Variants in HLTF observed in about 807,000 individuals in gnomAD.
The protein encoded by HLTF is helicase like transcription factor.
In HLTF, 127 loss-of-function variants were observed where a neutral mutation model predicts 129.4. That is an observed-to-expected ratio of 0.98 (90% confidence interval 0.85 to 1.14). The LOEUF is 1.14. Ranked by LOEUF, HLTF falls within the 50% of genes most tolerant of loss-of-function variation. The pLI, the probability that HLTF is intolerant of heterozygous loss-of-function variation, is 0.00. For synonymous variants in HLTF, 332 were observed against 388.8 expected, an observed-to-expected ratio of 0.85 and a Z score of 1.72; for missense variants, 1,139 against 1,187.1, an observed-to-expected ratio of 0.96 and a Z score of 0.60.
chr3:149,075,873 T>C lies in HLTF; in HGVS notation c.395+8A>G. 6.3e-7 allele frequency: 1 copy of C among 1,588,134 alleles called. No individual in the cohort carries two copies. Among genetic ancestry groups the C allele is most frequent in the Non-Finnish European group, 8.6e-7 (1 of 1,167,254 alleles). ...AATTATTAAAACTAAATTCTGAAAG[T>C]ACATTACCCTTCAATTTGTGCCAAT... is the stretch of plus-strand genomic sequence containing the variant. On this transcript the variant is annotated splice_region_variant and intron_variant, in intron 3 of 24. Coordinates refer to ENST00000310053, the MANE Select transcript of HLTF (RefSeq NM_003071.4).
intron 14 of HLTF, among the ~76,000 whole-genome samples, chr3:149,054,701 A>T (rs1717279271): frequency 6.6e-6 from 1 of 152,150 alleles, no homozygotes; most frequent in African/African-American, 2.4e-5. Flanking sequence ...GAAAAAAAAA[A>T]TTTCTGATGG....
rs144732911 is a variant in HLTF at position 149,035,874 on chromosome 3, G to A, written c.2797-876C>T. On this transcript the variant is annotated intron_variant, in intron 23 of 24. Coordinates refer to ENST00000310053, the MANE Select transcript of HLTF (RefSeq NM_003071.4). ...TGATGGGTCCGGCACAGTGGCTCACGCCTGTAATCCCAGCACTTTGGGAGG... is the reference window on the plus strand; with the variant it reads ...TGATGGGTCCGGCACAGTGGCTCACACCTGTAATCCCAGCACTTTGGGAGG... Among the ~76,000 whole-genome samples, 1,376 of 152,102 alleles carry A rather than the reference G, an allele frequency of 9.0e-3. 46 individuals are homozygous for A. Among genetic ancestry groups the A allele is most frequent in the Admixed American group, 0.067 (1,018 of 15,282 alleles).
At chr3:149,039,408 T>A (rs1172632822) in intron 22 of HLTF, among the ~76,000 whole-genome samples, 173 bp downstream of exon 22, 1 of 152,230 alleles carries the variant, frequency 6.6e-6, no homozygotes, top group Non-Finnish European at 1.5e-5. Context: ...AATTCAGGAC[T>A]TAATCTTTAA....
intron 5 of HLTF, 99 bp downstream of exon 5, chr3:149,073,126 C>A: frequency 1.7e-6 from 1 of 584,008 alleles, no homozygotes; most frequent in Non-Finnish European, 2.9e-6. Context: ...ATTTGAAGAC[C>A]ACAAATACCC....
Position 149,040,020 on chromosome 3 carries a change from G to C in HLTF, c.2502+11C>G. 1 of 1,602,172 alleles carries C rather than the reference G, an allele frequency of 6.2e-7. No individual in the cohort carries two copies. Among genetic ancestry groups the C allele is most frequent in the Non-Finnish European group, 8.5e-7 (1 of 1,176,006 alleles). ...AACAAATACTCAAATATTTGCACATGAGTACTTTACCTTTGAACTGGATGT... is the reference window on the plus strand; with the variant it reads ...AACAAATACTCAAATATTTGCACATCAGTACTTTACCTTTGAACTGGATGT... On this transcript the variant is annotated intron_variant, in intron 21 of 24. Coordinates refer to ENST00000310053, the MANE Select transcript of HLTF (RefSeq NM_003071.4).
intron 4 of HLTF, among the ~76,000 whole-genome samples, chr3:149,073,546 T>C (rs1435553941): frequency 1.3e-5 from 2 of 151,948 alleles, no homozygotes; most frequent in African/African-American, 2.4e-5. Flanking sequence ...ATACAAAAAT[T>C]AGCAGAGCGT....
chr3:149,033,059 A>G (rs1386046470), intron 24 of HLTF, among the ~76,000 whole-genome samples: 2 of 152,044 alleles, frequency 1.3e-5, no homozygotes, highest in Non-Finnish European at 1.5e-5. Flanking sequence ...AAACGTGATC[A>G]TCTCATTCCT....
At chr3:149,044,073 T>C (rs75343158) in intron 18 of HLTF, among the ~76,000 whole-genome samples, 3,351 of 152,234 alleles carry the variant, frequency 0.022, 127 homozygotes, top group African/African-American at 0.076. Flanking sequence ...AGAGTTAATC[T>C]GTCCTGTCAC....
At chr3:149,048,747 G>A in intron 16 of HLTF, 116 bp downstream of exon 16, 1 of 693,850 alleles carries the variant, frequency 1.4e-6, no homozygotes, top group South Asian at 1.9e-5. Context: ...TTATTTATAT[G>A]ATTAATTTTG....
chr3:149,035,072 A>C, intron 23 of HLTF, 74 bp from the exon 24 acceptor site: 1 of 1,056,538 alleles, frequency 9.5e-7, no homozygotes, highest in Non-Finnish European at 1.5e-6. Flanking sequence ...CTTTCATTTC[A>C]CTAGTATTCA....
chr3:149,055,502 G>C, intron 13 of HLTF, 102 bp from the exon 14 acceptor site: 1 of 759,714 alleles, frequency 1.3e-6, no homozygotes, highest in Non-Finnish European at 2.2e-6. Context: ...GATAAATTAG[G>C]AACAATTAAA....
chr3:149,083,577 C>G (rs1439111913), intron 2 of HLTF: 1 of 151,136 alleles, frequency 6.6e-6, no homozygotes, highest in Non-Finnish European at 1.5e-5. Flanking sequence ...CATATGAGAG[C>G]CAGAGAATAT....
intron 18 of HLTF, 99 bp from the exon 19 acceptor site, chr3:149,042,389 A>G: frequency 1.0e-6 from 1 of 994,240 alleles, no homozygotes; most frequent in Non-Finnish European, 1.5e-6. Context: ...TTTCTTCTCT[A>G]GAAATTACTC....
At chr3:149,072,402 G>T (rs1718949510) in intron 5 of HLTF, among the ~76,000 whole-genome samples, 1 of 152,152 alleles carries the variant, frequency 6.6e-6, no homozygotes, top group Non-Finnish European at 1.5e-5. Flanking sequence ...TATTTTCTCA[G>T]TCCTACCAGG....
chr3:149,063,054 TC>T (rs1241993672), intron 10 of HLTF: 2 of 456,768 alleles, frequency 4.4e-6, no homozygotes, highest in Non-Finnish European at 8.8e-6. Flanking sequence ...GTCATCTCTA[TC>T]TCTCTCTTTT....
chr3:149,059,359 A>T (rs1378522257), intron 13 of HLTF: 1 of 408,402 alleles, frequency 2.4e-6, no homozygotes, highest in Non-Finnish European at 4.7e-6. Context: ...TTTAAAATGA[A>T]AAGCAAATTC....
intron 13 of HLTF, among the ~76,000 whole-genome samples, chr3:149,058,620 A>C (rs1559869081): frequency 6.6e-6 from 1 of 152,282 alleles, no homozygotes; most frequent in Admixed American, 6.5e-5. Flanking sequence ...TGATGCATGG[A>C]AATTTAAAAT....
Position 149,063,477 on chromosome 3 carries a change from T to A in HLTF, c.1114A>T (p.Lys372Ter). 1 of 1,611,544 alleles carries A rather than the reference T, an allele frequency of 6.2e-7. No homozygotes were observed. The highest frequency in any genetic ancestry group is 8.5e-7 in the Non-Finnish European group (1 of 1,177,862). ...AATTCTGACATGCGAAACTTACTCT[T>A]CTCCTTGATATCTGAAATACTGGGT... is the stretch of plus-strand genomic sequence containing the variant. ...EQPSISDIKE[K>*]SKFRMSELSS... Residue 372 changes from lysine to a stop codon, truncating the protein, a stop_gained, in exon 10 of 25, where the codon AAG (lysine) becomes TAG (stop). Coordinates refer to ENST00000310053, the MANE Select transcript of HLTF (RefSeq NM_003071.4). LOFTEE classifies it high-confidence loss of function.
At chr3:149,084,461 C>G (rs1444742117) in intron 2 of HLTF, among the ~76,000 whole-genome samples, 2 of 152,148 alleles carry the variant, frequency 1.3e-5, no homozygotes, top group Non-Finnish European at 2.9e-5. Flanking sequence ...CCAAACATAA[C>G]GCACTGAGGC....
Sources: gnomAD v4.1 joint callset for allele counts (sites outside exome capture counted in the v4.1 genomes callset) on GRCh38, gnomAD v4.1.1 for gene constraint, MANE v1.5 for transcripts, NCBI Gene and HGNC (gene_info 2026-07-23, HGNC 2026-07-21) for gene names.